The following NR1I2 variants were observed in gnomAD, a reference collection of about 807,000 sequenced individuals.
NR1I2 encodes the protein orphan nuclear receptor PAR1.
In NR1I2, 42 loss-of-function variants were observed where a neutral mutation model predicts 43.3. That is an observed-to-expected ratio of 0.97 (90% CI 0.76 to 1.26). The LOEUF is 1.26. Among genes scored for constraint, NR1I2 ranks in the 50% most tolerant of loss-of-function variants. The pLI is 0.00. For synonymous variants in NR1I2, 229 were observed against 215.0 expected, an observed-to-expected ratio of 1.06 and a Z score of -0.57; for missense variants, 559 against 566.7, an observed-to-expected ratio of 0.99 and a Z score of 0.14.
At chr3:119,783,159 C>T (rs1180977915) in intron 1 of NR1I2, among the ~76,000 whole-genome samples, 1 of 151,274 alleles carries the variant, frequency 6.6e-6, no homozygotes, top group Non-Finnish European at 1.5e-5. Context: ...CTTATTTAAT[C>T]AGTTGGTTAA....
chr3:119,796,303 T>A (rs762178215), intron 1 of NR1I2, among the ~76,000 whole-genome samples: 3 of 152,216 alleles, frequency 2.0e-5, no homozygotes, highest in Non-Finnish European at 4.4e-5. Flanking sequence ...CAGCCTGACA[T>A]GACCTGAAAT....
intron 1 of NR1I2, among the ~76,000 whole-genome samples, chr3:119,799,266 G>A (rs931902056): frequency 6.6e-6 from 1 of 152,052 alleles, no homozygotes; most frequent in African/African-American, 2.4e-5. Flanking sequence ...GTTTCAATTT[G>A]CCTTGCTCTA....
Position 119,807,410 on chromosome 3 carries a change from A to C in NR1I2, c.160A>C (p.Asn54His). 6.2e-7 allele frequency: 1 copy of C among 1,614,152 alleles called. No individual in the cohort carries two copies. The highest frequency in any genetic ancestry group is 8.5e-7 in the Non-Finnish European group (1 of 1,180,050). Residue 54 changes from asparagine (N) to histidine (H), a missense_variant, in exon 2 of 9, where the codon AAT becomes CAT. Coordinates refer to ENST00000393716, the MANE Select transcript of NR1I2 (RefSeq NM_003889.4). ...GGACAAGGCCACTGGCTATCACTTC[A>C]ATGTCATGACATGTGAAGGATGCAA...
rs148112725 is a variant in NR1I2 at position 119,792,094 on chromosome 3, C to G, written c.-23+9794C>G. The G allele has an allele frequency of 4.5e-4, 338 of 757,744 alleles. 1 individual carries two copies. The African/African-American group carries it at 5.2e-3, about 12-fold the overall frequency. 46.9% of individuals were successfully genotyped at this position (757,744 alleles called of 1,614,324 possible). On this transcript the variant is annotated intron_variant, in intron 1 of 8. Coordinates refer to ENST00000393716, the MANE Select transcript of NR1I2 (RefSeq NM_003889.4). ...GATTTACAGAATGTCAATATCATTC[C>G]GTGCATCCTCTTTGGGCCTGTCACT...
At position 119,784,084 on chromosome 3, in the gene NR1I2, C is replaced by T. The variant is rs548542580; in HGVS notation, c.-23+1784C>T. Among the ~76,000 whole-genome samples, 12 of 152,302 alleles carry T rather than the reference C, an allele frequency of 7.9e-5. No individual in the cohort carries two copies. The East Asian group carries it at 1.2e-3, about 15-fold the overall frequency. ...TATTGCACTAGAGGAACTACTAAGA[C>T]GTTGAATTGCCACATCACAGGATAT... On this transcript the variant is annotated intron_variant, in intron 1 of 8. Coordinates refer to ENST00000393716, the MANE Select transcript of NR1I2 (RefSeq NM_003889.4).
At chr3:119,783,200 C>T (rs577010376) in intron 1 of NR1I2, among the ~76,000 whole-genome samples, 137 of 152,110 alleles carry the variant, frequency 9.0e-4, no homozygotes, top group Non-Finnish European at 1.6e-3. Flanking sequence ...TACACAAATA[C>T]GCTTTAAAAA....
chr3:119,818,160 G>T lies in NR1I2; in HGVS notation c.*948G>T. 1.0e-6 allele frequency: 1 copy of T among 985,738 alleles called. No individual in the cohort carries two copies. Among genetic ancestry groups the T allele is most frequent in the Non-Finnish European group, 1.2e-6 (1 of 830,040 alleles). 61.1% of individuals were successfully genotyped at this position (985,738 alleles called of 1,614,324 possible). A position where few individuals can be genotyped will look rare whatever the true frequency, so the allele number is the denominator to read the frequency against. The stretch of plus-strand genomic sequence containing the variant: ...TGATTTGGTGTAGGTAGGTCTGTTT[G>T]CCACTTGATGGGGCCTGGGTTTGTT... On this transcript the variant is annotated 3_prime_UTR_variant, in exon 9 of 9. Coordinates refer to ENST00000393716, the MANE Select transcript of NR1I2 (RefSeq NM_003889.4).
rs1018423296 is a variant in NR1I2 at position 119,817,671 on chromosome 3, C to T, written c.*459C>T. 19 of 1,116,166 alleles carry T rather than the reference C, an allele frequency of 1.7e-5. No individual in the cohort carries two copies. The highest frequency in any genetic ancestry group is 2.0e-5 in the Non-Finnish European group (18 of 904,930). The allele number at this position is 1,116,166 out of a possible 1,614,324, so 69.1% of individuals were successfully genotyped here. A position where few individuals can be genotyped will look rare whatever the true frequency, so the allele number is the denominator to read the frequency against. On this transcript the variant is annotated 3_prime_UTR_variant, in exon 9 of 9. Coordinates refer to ENST00000393716, the MANE Select transcript of NR1I2 (RefSeq NM_003889.4). ...CCTCTAATAGTCCTGTCTCCCACTT[C>T]CCACTCGTTCCCCTCCTCTTCCGAG...
chr3:119,790,281 T>G (rs1480126792), intron 1 of NR1I2, among the ~76,000 whole-genome samples: 1 of 152,220 alleles, frequency 6.6e-6, no homozygotes, highest in Non-Finnish European at 1.5e-5. Flanking sequence ...TTGTAGTATG[T>G]CCCATGTTTT....
intron 1 of NR1I2, among the ~76,000 whole-genome samples, chr3:119,783,683 C>T (rs1315388853): frequency 3.3e-5 from 5 of 152,162 alleles, no homozygotes; most frequent in African/African-American, 1.2e-4. Context: ...AATGAGAAAG[C>T]AGTATAGATA....
Position 119,818,039 on chromosome 3 carries a change from G to A in NR1I2, c.*827G>A. Reference sequence around the variant, plus strand: ...AGGAATTTCCCTGTGTGGATGCTGAGCTGTGATGGCGGGCACTGGGTACCC... The same window carrying A: ...AGGAATTTCCCTGTGTGGATGCTGAACTGTGATGGCGGGCACTGGGTACCC... On this transcript the variant is annotated 3_prime_UTR_variant, in exon 9 of 9. Coordinates refer to ENST00000393716, the MANE Select transcript of NR1I2 (RefSeq NM_003889.4). 1 of 985,578 alleles carries A rather than the reference G, an allele frequency of 1.0e-6. No individual in the cohort carries two copies. Among genetic ancestry groups the A allele is most frequent in the Non-Finnish European group, 1.2e-6 (1 of 830,000 alleles). 61.1% of individuals were successfully genotyped at this position (985,578 alleles called of 1,614,324 possible). A position where few individuals can be genotyped will look rare whatever the true frequency, so the allele number is the denominator to read the frequency against.
At chr3:119,796,090 C>T (rs192661034) in intron 1 of NR1I2, among the ~76,000 whole-genome samples, 2 of 152,322 alleles carry the variant, frequency 1.3e-5, no homozygotes, top group East Asian at 3.9e-4. Context: ...CTCTTTAGTC[C>T]TCCTCTTCCT....
chr3:119,812,763 G>A lies in NR1I2; in HGVS notation c.597G>A (p.Trp199Ter). The change falls in exon 5 of 9, where the codon TGG becomes TGA. Residue 199 changes from tryptophan to a stop codon, truncating the protein, a stop_gained. Coordinates refer to ENST00000393716, the MANE Select transcript of NR1I2 (RefSeq NM_003889.4). LOFTEE classifies it high-confidence loss of function. Reference sequence around the variant, plus strand: ...CATCGAGGGAAGAAGCTGCCAAGTGGAGCCAGGTCCGGAAAGATCTGTGCT... The same window carrying A: ...CATCGAGGGAAGAAGCTGCCAAGTGAAGCCAGGTCCGGAAAGATCTGTGCT... 6.2e-7 allele frequency: 1 copy of A among 1,614,208 alleles called. No homozygotes were observed. The highest frequency in any genetic ancestry group is 8.5e-7 in the Non-Finnish European group (1 of 1,180,040).
chr3:119,814,714 T>C (rs1350911913), intron 5 of NR1I2, among the ~76,000 whole-genome samples: 1 of 152,120 alleles, frequency 6.6e-6, no homozygotes, highest in African/African-American at 2.4e-5. Context: ...GGGGCCAGCC[T>C]GTAAGGGACC....
intron 2 of NR1I2, 73 bp from the exon 3 acceptor site, chr3:119,809,988 G>C (rs888634897): frequency 1.3e-4 from 208 of 1,594,606 alleles, no homozygotes; most frequent in Non-Finnish European, 1.7e-4. Context: ...GAGGGAGGTG[G>C]TATGGCCCGG....
At chr3:119,807,687 T>C (rs1208482127) in intron 2 of NR1I2, among the ~76,000 whole-genome samples, 1 of 152,238 alleles carries the variant, frequency 6.6e-6, no homozygotes, top group African/African-American at 2.4e-5. Flanking sequence ...CTCCATGTGC[T>C]CTTGAATAAA....
At chr3:119,802,043 A>C (rs58344801) in intron 1 of NR1I2, among the ~76,000 whole-genome samples, 5 of 152,120 alleles carry the variant, frequency 3.3e-5, no homozygotes, top group Non-Finnish European at 7.4e-5. Context: ...TCTCTTCCCC[A>C]CATTCTATTA....
chr3:119,782,377 A>G, intron 1 of NR1I2, 77 bp downstream of exon 1: 1 of 227,408 alleles, frequency 4.4e-6, no homozygotes, highest in South Asian at 7.0e-5. Flanking sequence ...GTGTGAACAC[A>G]AATATACCTT....
intron 1 of NR1I2, among the ~76,000 whole-genome samples, chr3:119,789,149 A>C (rs1420860504): frequency 2.0e-5 from 3 of 152,174 alleles, no homozygotes; most frequent in African/African-American, 7.2e-5. Flanking sequence ...GAAGGCAAAA[A>C]TCTCAATTGC....
Sources: gnomAD v4.1 joint callset for allele counts (sites outside exome capture counted in the v4.1 genomes callset) on GRCh38, gnomAD v4.1.1 for gene constraint, MANE v1.5 for transcripts, NCBI Gene and HGNC (gene_info 2026-07-23, HGNC 2026-07-21) for gene names.